TPRG1: variants seen among roughly 807,000 people sequenced by gnomAD.
The protein encoded by TPRG1 is tumor protein p63 regulated 1, also known as tumor protein p63-regulated gene 1 protein.
A neutral mutation model predicts 29.3 loss-of-function variants in TPRG1; 29 were observed. The ratio of observed to expected loss-of-function variants is 0.99; its 90% CI spans 0.74 to 1.35. The LOEUF is 1.35. Among genes scored for constraint, TPRG1 ranks in the 40% most tolerant of loss-of-function variants. The pLI, the probability that TPRG1 is intolerant of heterozygous loss-of-function variation, is 0.00. For missense variants in TPRG1, 327 were observed against 335.0 expected (o/e 0.98, Z 0.19); for synonymous variants, 130 against 116.8 (o/e 1.11, Z -0.73).
intron 5 of TPRG1, among the ~76,000 whole-genome samples, chr3:189,316,373 C>T (rs765758393): frequency 2.2e-4 from 33 of 152,256 alleles, no homozygotes; most frequent in South Asian, 2.1e-4. Context: ...ATTGGATGGG[C>T]GTGCCCTCTA....
At chr3:189,175,980 G>C (rs1729438755) in intron 1 of TPRG1, among the ~76,000 whole-genome samples, 1 of 152,182 alleles carries the variant, frequency 6.6e-6, no homozygotes, top group African/African-American at 2.4e-5. Context: ...TTGATATCCT[G>C]ACCCTGGATT....
At chr3:189,019,496 G>T (rs1052764467) in intron 3 of TPRG1, among the ~76,000 whole-genome samples, 19 of 152,162 alleles carry the variant, frequency 1.2e-4, no homozygotes, top group African/African-American at 4.3e-4. Flanking sequence ...TAATCATATG[G>T]TTTTTGTCTT....
intron 4 of TPRG1, among the ~76,000 whole-genome samples, chr3:189,042,743 A>G (rs1323571478): frequency 6.6e-6 from 1 of 152,130 alleles, no homozygotes; most frequent in South Asian, 2.1e-4. Flanking sequence ...GGAAAGCTAA[A>G]TAGTTTCTTT....
intron 1 of TPRG1, among the ~76,000 whole-genome samples, chr3:189,116,636 A>G (rs537738124): frequency 2.0e-5 from 3 of 152,344 alleles, no homozygotes; most frequent in Non-Finnish European, 2.9e-5. Flanking sequence ...GACATTTGCT[A>G]TGACTTGCAT....
In TPRG1 at chr3:189,045,744, G is replaced by A. The variant is rs114473315; in HGVS notation, c.-463+21798G>A. On this transcript the variant is annotated intron_variant, in intron 4 of 10. Transcript: ENST00000433971. ...AATTATTTATATTATAACTGGAACA[G>A]TGTTGGGCTCTTGGCTATATTTAGA... 2.2e-3 allele frequency among the ~76,000 whole-genome samples: 337 copies of A among 152,320 alleles called. 1 individual carries two copies. The highest frequency in any genetic ancestry group is 7.9e-3 in the African/African-American group (330 of 41,560).
At chr3:189,131,804 C>A (rs1578465331) in intron 2 of TPRG1, among the ~76,000 whole-genome samples, 2 of 152,292 alleles carry the variant, frequency 1.3e-5, no homozygotes, top group African/African-American at 4.8e-5. Context: ...TCTCTCATCT[C>A]CTTGAGAAGG....
intron 4 of TPRG1, among the ~76,000 whole-genome samples, chr3:189,149,906 T>C (rs1483255466): frequency 1.3e-5 from 2 of 152,222 alleles, no homozygotes; most frequent in Non-Finnish European, 2.9e-5. Flanking sequence ...TACATGATTA[T>C]GTACGCAGTG....
chr3:189,259,550 C>T (rs989852209), intron 4 of TPRG1, among the ~76,000 whole-genome samples: 1 of 141,588 alleles, frequency 7.1e-6, no homozygotes, highest in African/African-American at 2.7e-5. Flanking sequence ...CTGCAACCAA[C>T]CCCCACCTCC....
intron 4 of TPRG1, among the ~76,000 whole-genome samples, chr3:189,078,041 T>TC (rs1380611303): frequency 5.4e-5 from 8 of 149,112 alleles, no homozygotes; most frequent in African/African-American, 2.0e-4. Context: ...CCTTCCTTCC[T>TC]TCCTTCCTTC....
intron 4 of TPRG1, among the ~76,000 whole-genome samples, chr3:189,247,214 T>C (rs1741497770): frequency 3.9e-5 from 6 of 152,082 alleles, no homozygotes; most frequent in Admixed American, 3.9e-4. Flanking sequence ...TTATGTTCAC[T>C]GAAATTTTTC....
chr3:189,014,430 G>A (rs1420124017), intron 3 of TPRG1, among the ~76,000 whole-genome samples: 1 of 152,000 alleles, frequency 6.6e-6, no homozygotes, highest in Non-Finnish European at 1.5e-5. Flanking sequence ...CTCTCTCACT[G>A]CCCTTAACAT....
intron 1 of TPRG1, among the ~76,000 whole-genome samples, chr3:189,203,541 C>T (rs559103041): frequency 1.9e-4 from 29 of 152,284 alleles, no homozygotes; most frequent in Middle Eastern, 3.4e-3. Flanking sequence ...AACTGTTAAT[C>T]TCGTGCTACT....
At chr3:189,277,452 G>T (rs1352662867) in intron 4 of TPRG1, among the ~76,000 whole-genome samples, 1 of 152,128 alleles carries the variant, frequency 6.6e-6, no homozygotes, top group Non-Finnish European at 1.5e-5. Context: ...ATAAGATTAA[G>T]AATCAGAATA....
upstream of TPRG1, among the ~76,000 whole-genome samples, chr3:189,095,972 T>C (rs1304178975): frequency 2.6e-5 from 4 of 152,226 alleles, no homozygotes; most frequent in Non-Finnish European, 5.9e-5. Context: ...ATCATCTCAC[T>C]TCTCTTGACC....
chr3:189,240,227 T>A (rs571183304), intron 4 of TPRG1: 14 of 152,282 alleles, frequency 9.2e-5, no homozygotes, highest in African/African-American at 1.7e-4. Context: ...AACTGTTGAT[T>A]TTTTTCAATA....
rs144527041 is a variant in TPRG1 at position 189,121,672 on chromosome 3, A to G, written c.-743-5385A>G. On this transcript the variant is annotated intron_variant, in intron 1 of 6. Coordinates refer to the TPRG1 transcript ENST00000412373. ...TACTCTTCCTTCCAGAGGTTTCCCC[A>G]TGCCCTCTTTTGGACTTGATGGGGG... is the stretch of plus-strand genomic sequence containing the variant. 12 of 152,316 alleles carry G rather than the reference A, an allele frequency of 7.9e-5. No homozygotes were observed. In the South Asian group the frequency reaches 1.0e-3, roughly 13 times the overall value. 9.4% of individuals were successfully genotyped at this position (152,316 alleles called of 1,614,324 possible).
chr3:189,129,041 T>G lies in TPRG1; in HGVS notation c.-590+1831T>G, dbSNP rs73053496. ...AACTTCTCCTAATGTTAACATCTTA[T>G]CTACCCGTGGAACAATGATTAAAAA... is the stretch of plus-strand genomic sequence containing the variant. On this transcript the variant is annotated intron_variant, in intron 2 of 6. Transcript: ENST00000412373. Among the ~76,000 whole-genome samples, 1,070 of 152,356 alleles carry G rather than the reference T, an allele frequency of 7.0e-3. 9 individuals are homozygous for G. Among genetic ancestry groups the G allele is most frequent in the African/African-American group, 0.025 (1,025 of 41,580 alleles).
intron 2 of TPRG1, among the ~76,000 whole-genome samples, chr3:189,002,141 G>C (rs1461223096): frequency 3.3e-5 from 5 of 152,206 alleles, no homozygotes; most frequent in African/African-American, 1.2e-4. Context: ...TGAAGAAAAG[G>C]ATGGGTATAA....
chr3:189,191,920 TTCTTCTGTCTGTCTCTAGTGATGCAAACA>T (rs1731754832), intron 1 of TPRG1, among the ~76,000 whole-genome samples: 1 of 152,226 alleles, frequency 6.6e-6, no homozygotes, highest in Admixed American at 6.5e-5. Flanking sequence ...AAATGATTCC[TTCTTCTGTCTGTCTCTAGTGATGCAAACA>T]TCTTCTGTGA....
Sources: gnomAD v4.1 joint callset for allele counts (sites outside exome capture counted in the v4.1 genomes callset) on GRCh38, gnomAD v4.1.1 for gene constraint, MANE v1.5 for transcripts, NCBI Gene and HGNC (gene_info 2026-07-23, HGNC 2026-07-21) for gene names.